CPXM2: variants seen among roughly 807,000 people sequenced by gnomAD.
CPXM2 encodes inactive carboxypeptidase-like protein X2.
Under a neutral mutation model 86.1 loss-of-function variants are expected in CPXM2, and 66 were observed. The ratio of observed to expected loss-of-function variants is 0.77; its 90% confidence interval spans 0.63 to 0.94. The LOEUF (loss-of-function observed/expected upper bound fraction) is 0.94, where lower values mean the gene tolerates loss of function less well. CPXM2 is among the 40% of genes least tolerant of loss of function. The probability of loss-of-function intolerance (pLI) is 0.00; values close to 1 mark genes in which losing one functional copy is unlikely to be tolerated. For synonymous variants in CPXM2, 388 were observed against 400.2 expected (o/e 0.97, Z 0.36); for missense variants, 948 against 1,026.3 (o/e 0.92, Z 1.04).
intron 4 of CPXM2, among the ~76,000 whole-genome samples, chr10:123,842,145 G>A (rs1286422202): frequency 1.3e-5 from 2 of 152,200 alleles, no homozygotes; most frequent in African/African-American, 4.8e-5. Flanking sequence ...CTGTACAGGG[G>A]GAGGGTGTCG....
chr10:123,935,394 G>T (rs1244999771), intron 2 of CPXM2, among the ~76,000 whole-genome samples: 1 of 152,080 alleles, frequency 6.6e-6, no homozygotes, highest in East Asian at 1.9e-4. Flanking sequence ...CCCTGGGTGG[G>T]GCCACAGAGA....
At chr10:123,870,867 G>A (rs996124464) in intron 2 of CPXM2, among the ~76,000 whole-genome samples, 4 of 152,178 alleles carry the variant, frequency 2.6e-5, no homozygotes, top group Non-Finnish European at 4.4e-5. Flanking sequence ...ACCCACCACT[G>A]GTCGGAAGTT....
chr10:123,890,916 G>A (rs1945256212), intron 1 of CPXM2, among the ~76,000 whole-genome samples: 1 of 152,182 alleles, frequency 6.6e-6, no homozygotes, highest in South Asian at 2.1e-4. Context: ...AGGCCTACTG[G>A]CAGAGCTTTC....
intron 4 of CPXM2, among the ~76,000 whole-genome samples, chr10:123,802,108 G>C (rs923912843): frequency 6.6e-6 from 1 of 152,228 alleles, no homozygotes; most frequent in Non-Finnish European, 1.5e-5. Context: ...AGCAGAGGAA[G>C]GGACAGGGGA....
intron 2 of CPXM2, among the ~76,000 whole-genome samples, chr10:123,874,692 T>C (rs1944951700): frequency 6.6e-6 from 1 of 152,180 alleles, no homozygotes; most frequent in Admixed American, 6.5e-5. Flanking sequence ...TTTGAGAAGA[T>C]GGAAACAGGA....
chr10:123,780,772 C>T (rs1846916329), intron 6 of CPXM2, among the ~76,000 whole-genome samples: 1 of 152,008 alleles, frequency 6.6e-6, no homozygotes, highest in Admixed American at 6.6e-5. Context: ...TAAAAAAGTC[C>T]TATGTTTGGG....
intron 2 of CPXM2, among the ~76,000 whole-genome samples, chr10:123,900,605 C>T (rs1469507666): frequency 2.0e-5 from 3 of 152,232 alleles, no homozygotes; most frequent in African/African-American, 4.8e-5. Flanking sequence ...CACCCCAGCA[C>T]TGCTGGTGAG....
At chr10:123,787,182 A>G (rs1402085097) in intron 6 of CPXM2, among the ~76,000 whole-genome samples, 1 of 152,148 alleles carries the variant, frequency 6.6e-6, no homozygotes, top group East Asian at 1.9e-4. Context: ...GCTGTGAGCT[A>G]TGCTGGGGAC....
Position 123,746,649 on chromosome 10 carries a change from TC to T in CPXM2, c.*114del. ...ACCTGCCTCACAATGCACCCTCTCT[TC>T]CAGGCACTTCTTGAATTACAGAGGA... On this transcript the variant is annotated 3_prime_UTR_variant, in exon 14 of 14. Transcript: ENST00000241305. 9.7e-7 allele frequency: 1 copy of T among 1,032,812 alleles called. No homozygotes were observed. The highest frequency in any genetic ancestry group is 1.4e-6 in the Non-Finnish European group (1 of 699,734). The allele number at this position is 1,032,812 out of a possible 1,614,324, so 64.0% of individuals were successfully genotyped here.
At chr10:123,915,355 C>T (rs1049267842) in intron 2 of CPXM2, among the ~76,000 whole-genome samples, 3 of 152,082 alleles carry the variant, frequency 2.0e-5, no homozygotes, top group East Asian at 1.9e-4. Flanking sequence ...GCCAGGAGTT[C>T]GAGACCAGAC....
chr10:123,921,391 T>G (rs1945578631), intron 2 of CPXM2, among the ~76,000 whole-genome samples: 1 of 152,232 alleles, frequency 6.6e-6, no homozygotes, highest in Admixed American at 6.5e-5. Context: ...AAAAGGCCTT[T>G]ATGGGAAAGA....
chr10:123,891,324 C>A lies in CPXM2; in HGVS notation c.304+32G>T. On this transcript the variant is annotated intron_variant, in intron 1 of 13. Coordinates refer to ENST00000241305, the MANE Select transcript of CPXM2 (RefSeq NM_198148.3). This position sits in a 1 kb window ranked among gnomAD's most constrained non-coding sequence, Gnocchi z 5.6. ...TGGAGGCGCGCAACCACCGGCGCCC[C>A]CTCGGGCTGCCCAGCGCAGAAAGTT... 1 of 1,462,818 alleles carries A rather than the reference C, an allele frequency of 6.8e-7. No individual in the cohort carries two copies. The highest frequency in any genetic ancestry group is 2.6e-5 in the East Asian group (1 of 38,184). 90.6% of individuals were successfully genotyped at this position (1,462,818 alleles called of 1,614,324 possible).
At chr10:123,858,995 A>T (rs74162959) in intron 3 of CPXM2, among the ~76,000 whole-genome samples, 1,962 of 152,308 alleles carry the variant, frequency 0.013, 38 homozygotes, top group African/African-American at 0.045. Flanking sequence ...GAATGAGGGC[A>T]TCTCACCCGA....
intron 3 of CPXM2, among the ~76,000 whole-genome samples, chr10:123,862,199 G>A (rs984527400): frequency 6.6e-6 from 1 of 152,240 alleles, no homozygotes; most frequent in Admixed American, 6.5e-5. Flanking sequence ...GGAAAGCCTG[G>A]AAGGTGTGTG....
At chr10:123,857,958 C>T (rs1046077792) in intron 3 of CPXM2, among the ~76,000 whole-genome samples, 3 of 152,186 alleles carry the variant, frequency 2.0e-5, no homozygotes, top group African/African-American at 4.8e-5. Flanking sequence ...TACACTCACC[C>T]GTGACAGTGC....
At chr10:123,811,780 G>A (rs547164320) in intron 4 of CPXM2, among the ~76,000 whole-genome samples, 10 of 152,216 alleles carry the variant, frequency 6.6e-5, no homozygotes, top group Non-Finnish European at 1.5e-4. Flanking sequence ...GGAGAAACAT[G>A]ACAAATATTT....
chr10:123,914,043 G>T (rs1370929634), intron 2 of CPXM2: 1 of 494,988 alleles, frequency 2.0e-6, no homozygotes, highest in South Asian at 1.5e-5. Flanking sequence ...AAGGCAGGAA[G>T]TCAGTGTCAT....
intron 4 of CPXM2, among the ~76,000 whole-genome samples, chr10:123,836,237 C>T (rs977239276): frequency 1.3e-5 from 2 of 152,222 alleles, no homozygotes; most frequent in East Asian, 3.9e-4. Context: ...GAACCCTGAC[C>T]CCAGTCATCA....
intron 3 of CPXM2, among the ~76,000 whole-genome samples, chr10:123,858,181 A>G (rs1848781152): frequency 6.6e-6 from 1 of 152,240 alleles, no homozygotes; most frequent in African/African-American, 2.4e-5. Context: ...TGCACTAGAA[A>G]AACACATGTG....
Sources: allele counts gnomAD v4.1 joint callset (sites outside exome capture counted in the v4.1 genomes callset), GRCh38; gene constraint gnomAD v4.1.1; non-coding constraint Gnocchi (gnomAD v3.1); transcripts MANE v1.5; gene names NCBI Gene and HGNC (gene_info 2026-07-23, HGNC 2026-07-21).